PLAG1: variants seen among roughly 807,000 people sequenced by gnomAD.
The protein encoded by PLAG1 is zinc finger protein PLAG1.
A neutral mutation model predicts 35.5 loss-of-function variants in PLAG1; 7 were observed. The ratio of observed to expected loss-of-function variants is 0.20; its 90% confidence interval spans 0.11 to 0.37. The LOEUF (loss-of-function observed/expected upper bound fraction) is 0.37. Ranked by LOEUF, PLAG1 falls within the 10% of genes least tolerant of loss-of-function variation. PLAG1 has a pLI of 1.00. For synonymous variants in PLAG1, 229 were observed against 225.4 expected (o/e 1.02, Z -0.14); for missense variants, 454 against 602.8 (o/e 0.75, Z 2.58).
chr8:56,207,807 A>T (rs1812739447), intron 1 of PLAG1, among the ~76,000 whole-genome samples: 2 of 152,128 alleles, frequency 1.3e-5, no homozygotes. Context: ...AATCACTTCA[A>T]ATTAAATATT....
At chr8:56,204,255 T>A (rs1812638521) in intron 1 of PLAG1, among the ~76,000 whole-genome samples, 1 of 151,880 alleles carries the variant, frequency 6.6e-6, no homozygotes, top group Non-Finnish European at 1.5e-5. Context: ...TTATTGTAAC[T>A]CTCTCAGGGT....
At chr8:56,186,600 T>C (rs1251858227) in intron 1 of PLAG1, among the ~76,000 whole-genome samples, 1 of 151,814 alleles carries the variant, frequency 6.6e-6, no homozygotes, top group East Asian at 1.9e-4. Context: ...CTTGAACTCC[T>C]GACCACAACT....
At chr8:56,173,019 T>C (rs1811575384) in intron 2 of PLAG1, among the ~76,000 whole-genome samples, 1 of 152,182 alleles carries the variant, frequency 6.6e-6, no homozygotes. Context: ...CCAAGTTAAC[T>C]AGTAAACAAT....
At chr8:56,205,250 A>G (rs1302412918) in intron 1 of PLAG1, among the ~76,000 whole-genome samples, 1 of 151,868 alleles carries the variant, frequency 6.6e-6, no homozygotes, top group African/African-American at 2.4e-5. Context: ...GATTTTCAAT[A>G]ATTTCTAACT....
chr8:56,183,645 T>C (rs1328636153), intron 1 of PLAG1, among the ~76,000 whole-genome samples: 1 of 152,232 alleles, frequency 6.6e-6, no homozygotes, highest in Non-Finnish European at 1.5e-5. Context: ...TATACTTTTC[T>C]ACATTATACA....
At chr8:56,169,657 T>C (rs879738782) in intron 3 of PLAG1, among the ~76,000 whole-genome samples, 3 of 152,144 alleles carry the variant, frequency 2.0e-5, no homozygotes, top group Non-Finnish European at 4.4e-5. Flanking sequence ...TTCAAGTGCC[T>C]CAGCCTCCCG....
At chr8:56,187,908 G>A (rs1002864551) in intron 1 of PLAG1, among the ~76,000 whole-genome samples, 1 of 152,186 alleles carries the variant, frequency 6.6e-6, no homozygotes, top group Non-Finnish European at 1.5e-5. Context: ...TGATCCACCG[G>A]AAGCCAGCAG....
At position 56,161,906 on chromosome 8, in the gene PLAG1, A is replaced by G. The variant is rs1175739704; in HGVS notation, c.*4337T>C. 8.8e-6 allele frequency: 2 copies of G among 227,454 alleles called. No homozygotes were observed. The highest frequency in any genetic ancestry group is 1.3e-4 in the East Asian group (2 of 15,860). 14.1% of individuals were successfully genotyped at this position (227,454 alleles called of 1,614,324 possible). ...TATATAATGAAGTGTTTTATACATTAGCAATAGTTCTGTGTCATTTCTAGG... is the reference window on the plus strand; with the variant it reads ...TATATAATGAAGTGTTTTATACATTGGCAATAGTTCTGTGTCATTTCTAGG... On this transcript the variant is annotated 3_prime_UTR_variant, in exon 5 of 5. Transcript: ENST00000316981.
intron 1 of PLAG1, among the ~76,000 whole-genome samples, chr8:56,199,094 G>A (rs537702011): frequency 1.3e-5 from 2 of 152,202 alleles, no homozygotes; most frequent in East Asian, 3.8e-4. Flanking sequence ...GAGTGGGAAC[G>A]GGTGCTCAGG....
Position 56,165,826 on chromosome 8 carries a change from A to C in PLAG1, c.*417T>G. On this transcript the variant is annotated 3_prime_UTR_variant, in exon 5 of 5. Transcript: ENST00000316981. Reference sequence around the variant, plus strand: ...GAAAATTTAAACCCTTGAGTTATTCACAAACTTTTTATACAATTTACATTC... The same window carrying C: ...GAAAATTTAAACCCTTGAGTTATTCCCAAACTTTTTATACAATTTACATTC... 1 of 196,910 alleles carries C rather than the reference A, an allele frequency of 5.1e-6. No individual in the cohort carries two copies. Among genetic ancestry groups the C allele is most frequent in the South Asian group, 1.9e-4 (1 of 5,196 alleles). The allele number at this position is 196,910 out of a possible 1,614,324, so 12.2% of individuals were successfully genotyped here.
chr8:56,168,389 G>A lies in PLAG1; in HGVS notation c.-117-3C>T. 72 of 1,293,710 alleles carry A rather than the reference G, an allele frequency of 5.6e-5. No homozygotes were observed. Among genetic ancestry groups the A allele is most frequent in the East Asian group, 3.6e-4 (13 of 36,518 alleles). 80.1% of individuals were successfully genotyped at this position (1,293,710 alleles called of 1,614,324 possible). On this transcript the variant is annotated splice_polypyrimidine_tract_variant and splice_region_variant and intron_variant, in intron 3 of 4. Coordinates refer to ENST00000316981, the MANE Select transcript of PLAG1 (RefSeq NM_002655.3). ...TCGTAAAAGAAAGCAAAAAGGGACT[G>A]GAAAAAAAAATAAGAAACAACTAGT...
At chr8:56,187,488 C>G (rs558032864) in intron 1 of PLAG1, among the ~76,000 whole-genome samples, 1 of 152,232 alleles carries the variant, frequency 6.6e-6, no homozygotes, top group East Asian at 1.9e-4. Flanking sequence ...TCAGCATTTT[C>G]CTCTGTAGGA....
At chr8:56,187,170 T>C (rs552040767) in intron 1 of PLAG1, among the ~76,000 whole-genome samples, 2 of 152,340 alleles carry the variant, frequency 1.3e-5, no homozygotes, top group South Asian at 2.1e-4. Flanking sequence ...CACTGCATGA[T>C]GATACACTCC....
chr8:56,198,594 T>A (rs1812452707), intron 1 of PLAG1, among the ~76,000 whole-genome samples: 1 of 152,190 alleles, frequency 6.6e-6, no homozygotes, highest in African/African-American at 2.4e-5. Context: ...CGGTCCCCTA[T>A]CTCGCTCCCT....
chr8:56,169,864 C>A (rs927999928), intron 3 of PLAG1, among the ~76,000 whole-genome samples: 1 of 152,124 alleles, frequency 6.6e-6, no homozygotes, highest in East Asian at 1.9e-4. Flanking sequence ...TTTTAAGAGA[C>A]CATAGAAATA....
intron 1 of PLAG1, among the ~76,000 whole-genome samples, chr8:56,196,126 C>T (rs538143845): frequency 2.0e-5 from 3 of 152,166 alleles, no homozygotes; most frequent in East Asian, 1.9e-4. Flanking sequence ...CCTAGTAGAA[C>T]GAGCTGGGGA....
chr8:56,177,055 GTT>G (rs1056658274), intron 2 of PLAG1, among the ~76,000 whole-genome samples: 2 of 152,102 alleles, frequency 1.3e-5, no homozygotes, highest in Admixed American at 6.5e-5. Flanking sequence ...GCTAAAGAAA[GTT>G]TTACTTAGCT....
chr8:56,202,599 C>T (rs138248403), intron 1 of PLAG1, among the ~76,000 whole-genome samples: 1 of 152,326 alleles, frequency 6.6e-6, no homozygotes, highest in East Asian at 1.9e-4. Flanking sequence ...ATCAATTGCA[C>T]TTCTCCCACA....
At chr8:56,194,832 T>C (rs921845034) in intron 1 of PLAG1, among the ~76,000 whole-genome samples, 3 of 151,964 alleles carry the variant, frequency 2.0e-5, no homozygotes, top group African/African-American at 7.3e-5. Flanking sequence ...ACCGTTTTGG[T>C]CTGGAGAATC....
Sources: allele counts gnomAD v4.1 joint callset (sites outside exome capture counted in the v4.1 genomes callset), GRCh38; gene constraint gnomAD v4.1.1; transcripts MANE v1.5; gene names NCBI Gene and HGNC (gene_info 2026-07-23, HGNC 2026-07-21).